TNS3: variants seen among roughly 807,000 people sequenced by gnomAD.
TNS3 encodes tensin 3.
A neutral mutation model predicts 140.9 loss-of-function variants in TNS3; 45 were observed. The observed-to-expected ratio is 0.32, with a 90% CI of 0.25 to 0.41. The LOEUF (loss-of-function observed/expected upper bound fraction) is 0.41, where lower values mean the gene tolerates loss of function less well. Among genes scored for constraint, TNS3 ranks in the 10% least tolerant of loss-of-function variants. TNS3 has a pLI of 1.00. For synonymous variants in TNS3, 815 were observed against 788.4 expected, an observed-to-expected ratio of 1.03 and a Z score of -0.56; for missense variants, 1,716 against 1,906.7, an observed-to-expected ratio of 0.90 and a Z score of 1.86.
chr7:47,548,950 G>A (rs1584846361), intron 1 of TNS3, among the ~76,000 whole-genome samples: 3 of 152,188 alleles, frequency 2.0e-5, no homozygotes, highest in African/African-American at 7.2e-5. Flanking sequence ...CTCAACCTTG[G>A]GGCTCCTTCT....
chr7:47,405,363 A>G, intron 13 of TNS3: 1 of 604,720 alleles, frequency 1.7e-6, no homozygotes. Context: ...CTGGTGGCCC[A>G]GGCAACTGTC....
intron 21 of TNS3, among the ~76,000 whole-genome samples, chr7:47,304,392 T>C (rs747858111): frequency 4.6e-5 from 7 of 152,208 alleles, no homozygotes; most frequent in Non-Finnish European, 8.8e-5. Context: ...ATTTAAAAAG[T>C]TAAATAGGGA....
intron 1 of TNS3, among the ~76,000 whole-genome samples, chr7:47,568,469 G>A (rs1430864697): frequency 2.0e-5 from 3 of 152,174 alleles, no homozygotes; most frequent in Non-Finnish European, 4.4e-5. Flanking sequence ...GTTAGTGAGG[G>A]TTAAATGTAT....
At chr7:47,373,396 C>T (rs1791193498) in intron 16 of TNS3, among the ~76,000 whole-genome samples, 1 of 152,188 alleles carries the variant, frequency 6.6e-6, no homozygotes, top group South Asian at 2.1e-4. Context: ...ACATAAAGTA[C>T]CCAGCTCATA....
chr7:47,419,452 T>C (rs543895768), intron 10 of TNS3, among the ~76,000 whole-genome samples: 5 of 152,236 alleles, frequency 3.3e-5, no homozygotes, highest in Non-Finnish European at 7.3e-5. Context: ...CCATCTTGCC[T>C]TTAACCTCCT....
chr7:47,391,867 GAGTCTCAA>G (rs893573381), intron 16 of TNS3, among the ~76,000 whole-genome samples: 2 of 152,110 alleles, frequency 1.3e-5, no homozygotes, highest in African/African-American at 2.4e-5. Context: ...CAGTCTCACT[GAGTCTCAA>G]AGTCTCAAAG....
rs1033365162 is a variant in TNS3 at position 47,407,068 on chromosome 7, C to G, written c.723+4659G>C. 6.6e-6 allele frequency among the ~76,000 whole-genome samples: 1 copy of G among 152,138 alleles called. No homozygotes were observed. Among genetic ancestry groups the G allele is most frequent in the Non-Finnish European group, 1.5e-5 (1 of 68,026 alleles). ...CCGCTCCTCTCTAGGGATGCTTTGC[C>G]AATAATGAGAAACGTGCAACCGCAT... is the stretch of plus-strand genomic sequence containing the variant. On this transcript the variant is annotated intron_variant, in intron 13 of 30. Transcript: ENST00000311160. The surrounding 1 kb of genome is among the most constrained non-coding windows in gnomAD (Gnocchi z 4.1).
intron 1 of TNS3, among the ~76,000 whole-genome samples, chr7:47,532,406 A>G (rs1318287681): frequency 6.6e-6 from 1 of 152,096 alleles, no homozygotes; most frequent in East Asian, 2.0e-4. Flanking sequence ...AGCCAGAGCA[A>G]GAGAGAGGAC....
chr7:47,428,785 C>T (rs1794784857), intron 8 of TNS3, among the ~76,000 whole-genome samples: 1 of 152,250 alleles, frequency 6.6e-6, no homozygotes, highest in African/African-American at 2.4e-5. Flanking sequence ...GCTGCAAACA[C>T]AGCTCAGCAT....
intron 16 of TNS3, among the ~76,000 whole-genome samples, chr7:47,370,275 G>A (rs375131712): frequency 2.1e-4 from 31 of 151,070 alleles, no homozygotes; most frequent in African/African-American, 6.1e-4. Context: ...GCAAGACTCC[G>A]TCTCAAAAAA....
At chr7:47,475,719 G>GA (rs1022990332) in intron 4 of TNS3, among the ~76,000 whole-genome samples, 4 of 152,130 alleles carry the variant, frequency 2.6e-5, no homozygotes, top group African/African-American at 9.7e-5. Context: ...ACACAGGATG[G>GA]AAAAAAACAA....
At chr7:47,344,618 C>G in intron 20 of TNS3, 137 bp downstream of exon 20, 1 of 830,346 alleles carries the variant, frequency 1.2e-6, no homozygotes, top group Non-Finnish European at 1.9e-6. Context: ...CCAGCAAGAT[C>G]CATCCTCATC....
At chr7:47,297,703 G>A (rs56247143) in intron 23 of TNS3, among the ~76,000 whole-genome samples, 3,897 of 152,050 alleles carry the variant, frequency 0.026, 168 homozygotes, top group African/African-American at 0.089. Context: ...GCCTCTGCTT[G>A]GACACTGCCC....
chr7:47,531,150 C>T (rs954518288), intron 1 of TNS3, among the ~76,000 whole-genome samples: 4 of 151,944 alleles, frequency 2.6e-5, no homozygotes, highest in Admixed American at 1.3e-4. Flanking sequence ...AACTACCTAT[C>T]GAGTACTACG....
chr7:47,573,719 C>T (rs796689600), intron 1 of TNS3, among the ~76,000 whole-genome samples: 19 of 152,126 alleles, frequency 1.2e-4, no homozygotes, highest in Non-Finnish European at 2.4e-4. Context: ...CAGGCCTGCC[C>T]GGCCAGGGAC....
chr7:47,499,682 T>C (rs747542441), intron 3 of TNS3, among the ~76,000 whole-genome samples: 1 of 152,026 alleles, frequency 6.6e-6, no homozygotes, highest in Non-Finnish European at 1.5e-5. Flanking sequence ...ATGAAGACAG[T>C]GAAAAGGTCA....
intron 28 of TNS3, among the ~76,000 whole-genome samples, chr7:47,281,627 G>C (rs910454380): frequency 6.6e-6 from 1 of 152,190 alleles, no homozygotes; most frequent in Non-Finnish European, 1.5e-5. Context: ...GAATTAGCCA[G>C]TCTGAACTCA....
chr7:47,328,075 C>T (rs1437481895), intron 20 of TNS3, among the ~76,000 whole-genome samples: 1 of 152,190 alleles, frequency 6.6e-6, no homozygotes, highest in African/African-American at 2.4e-5. Context: ...AGCAGCCCTA[C>T]GTGGTGAGCA....
chr7:47,509,325 A>T (rs956914187), intron 2 of TNS3, among the ~76,000 whole-genome samples: 4 of 152,200 alleles, frequency 2.6e-5, no homozygotes, highest in Admixed American at 6.5e-5. Context: ...GTGACCCTCA[A>T]AGTTTTACAA....
Sources: allele counts gnomAD v4.1 joint callset (sites outside exome capture counted in the v4.1 genomes callset), GRCh38; gene constraint gnomAD v4.1.1; non-coding constraint Gnocchi (gnomAD v3.1); transcripts MANE v1.5; gene names NCBI Gene and HGNC (gene_info 2026-07-23, HGNC 2026-07-21).